The following RAB12 variants were observed in gnomAD, a reference collection of about 807,000 sequenced individuals.
The protein encoded by RAB12 is RAB12, member RAS oncogene family.
A neutral mutation model predicts 28.4 loss-of-function variants in RAB12; 11 were observed. The ratio of observed to expected loss-of-function variants is 0.39; its 90% CI spans 0.24 to 0.64. The LOEUF is 0.64. Ranked by LOEUF, RAB12 falls within the 30% of genes least tolerant of loss-of-function variation. The pLI is 0.50. For synonymous variants in RAB12, 138 were observed against 145.3 expected (o/e 0.95, Z 0.36); for missense variants, 276 against 351.1 (o/e 0.79, Z 1.71).
chr18:8,635,122 A>T (rs2096018146), intron 3 of RAB12: 1 of 154,150 alleles, frequency 6.5e-6, no homozygotes, highest in Non-Finnish European at 1.4e-5. Context: ...TTCCTGTGTC[A>T]TTCTCTGTTC....
chr18:8,632,576 C>T (rs991469794), intron 2 of RAB12, among the ~76,000 whole-genome samples: 2 of 152,148 alleles, frequency 1.3e-5, no homozygotes, highest in African/African-American at 4.8e-5. Context: ...CGCCTGCCCC[C>T]AGCACTCTAG....
intron 1 of RAB12, among the ~76,000 whole-genome samples, chr18:8,624,535 TAA>T (rs1169550708): frequency 1.3e-5 from 2 of 152,242 alleles, no homozygotes; most frequent in Non-Finnish European, 2.9e-5. Flanking sequence ...TAAAGTTGAT[TAA>T]GTTTGATTAA....
In RAB12 at chr18:8,638,696, G is replaced by T. The variant is rs553025455; in HGVS notation, c.*434G>T. On this transcript the variant is annotated 3_prime_UTR_variant, in exon 6 of 6. Coordinates refer to ENST00000649141, the MANE Select transcript of RAB12 (RefSeq NM_001025300.3). ...ACTTTTTGAAAAAAAGCTATCTTAAGTGCTTTTTCTTTATTTACAAGACAT... is the reference window on the plus strand; with the variant it reads ...ACTTTTTGAAAAAAAGCTATCTTAATTGCTTTTTCTTTATTTACAAGACAT... 6.5e-6 allele frequency: 1 copy of T among 154,628 alleles called. No homozygotes were observed. Among genetic ancestry groups the T allele is most frequent in the African/African-American group, 2.4e-5 (1 of 41,470 alleles). 9.6% of individuals were successfully genotyped at this position (154,628 alleles called of 1,614,324 possible).
intron 2 of RAB12, among the ~76,000 whole-genome samples, chr18:8,626,997 A>G (rs1401532453): frequency 6.6e-6 from 1 of 152,268 alleles, no homozygotes; most frequent in Non-Finnish European, 1.5e-5. Flanking sequence ...TGTTGATCAC[A>G]TAATACTCAA....
intron 1 of RAB12, among the ~76,000 whole-genome samples, chr18:8,622,317 C>T (rs1288758853): frequency 6.6e-6 from 1 of 152,148 alleles, no homozygotes; most frequent in Non-Finnish European, 1.5e-5. Context: ...TATTGGGGAA[C>T]CTGCCCCGTT....
intron 1 of RAB12, among the ~76,000 whole-genome samples, chr18:8,616,947 C>G (rs776857692): frequency 4.0e-4 from 61 of 151,892 alleles, no homozygotes; most frequent in Non-Finnish European, 7.7e-4. Context: ...AAAAACACTC[C>G]ACCTTCTCCT....
rs909165213 is a variant in RAB12, at chr18:8,616,595, G to T, written c.514+6642G>T. Among the ~76,000 whole-genome samples, 5 of 152,024 alleles carry T rather than the reference G, an allele frequency of 3.3e-5. No homozygotes were observed. The South Asian group carries it at 1.0e-3, about 32-fold the overall frequency. On this transcript the variant is annotated intron_variant, in intron 1 of 5. Transcript: ENST00000649141. ...ATAAATGAGGAGCTTTGTGTTTTTC[G>T]CTGGCTTCCTCTCACCTCTTCAAGC... is the stretch of plus-strand genomic sequence containing the variant.
At chr18:8,615,454 T>C (rs577984611) in intron 1 of RAB12, among the ~76,000 whole-genome samples, 11 of 152,306 alleles carry the variant, frequency 7.2e-5, no homozygotes, top group African/African-American at 2.4e-4. Context: ...TGCCCGTGTT[T>C]CACTTAAGAG....
chr18:8,627,318 C>T (rs978874619), intron 2 of RAB12, among the ~76,000 whole-genome samples: 3 of 152,194 alleles, frequency 2.0e-5, no homozygotes, highest in Non-Finnish European at 4.4e-5. Context: ...ATAGATAGCT[C>T]TGCTCCGATT....
At position 8,639,260 on chromosome 18, in the gene RAB12, G is replaced by T. The variant is rs1335290106; in HGVS notation, c.*998G>T. The T allele has an allele frequency of 2.8e-5, 4 of 140,716 alleles. No individual in the cohort carries two copies. Among genetic ancestry groups the T allele is most frequent in the African/African-American group, 1.1e-4 (4 of 38,064 alleles). 8.7% of individuals were successfully genotyped at this position (140,716 alleles called of 1,614,324 possible). A position where few individuals can be genotyped will look rare whatever the true frequency, so the allele number is the denominator to read the frequency against. ...TTATTAAACTGCACTGTTTTGTTTA[G>T]TCAAGGTAATTAAGTAATTATGTAT... is the stretch of plus-strand genomic sequence containing the variant. On this transcript the variant is annotated 3_prime_UTR_variant, in exon 6 of 6. Coordinates refer to ENST00000649141, the MANE Select transcript of RAB12 (RefSeq NM_001025300.3).
At position 8,609,672 on chromosome 18, in the gene RAB12, G is replaced by C; in HGVS notation, c.233G>C (p.Arg78Pro). The C allele has an allele frequency of 1.1e-6, 1 of 906,470 alleles. No homozygotes were observed. Among genetic ancestry groups the C allele is most frequent in the Non-Finnish European group, 1.3e-6 (1 of 760,862 alleles). 56.2% of individuals were successfully genotyped at this position (906,470 alleles called of 1,614,324 possible). Residue 78 changes from arginine (R) to proline (P), a missense_variant, in exon 1 of 6, where the codon CGC (arginine) becomes CCC (proline). Arg to Pro is a moderately radical substitution (Grantham distance 103). This residue lies in a region of RAB12 where 72 missense variants were observed against 55.5 expected (regional missense o/e 1.30). Coordinates refer to ENST00000649141, the MANE Select transcript of RAB12 (RefSeq NM_001025300.3). ...EAEGAPGPGA[R>P]SRGAGGGGRR... ...GAGGGGGCGCCGGGGCCCGGGGCGC[G>C]CAGCCGGGGGGCGGGCGGCGGCGGG...
intron 2 of RAB12, among the ~76,000 whole-genome samples, chr18:8,627,263 G>A (rs1289721957): frequency 6.6e-6 from 1 of 152,148 alleles, no homozygotes; most frequent in Non-Finnish European, 1.5e-5. Flanking sequence ...TGTGTAGCTG[G>A]AAACGGTCCC....
rs1268584198 is a variant in RAB12 at position 8,624,925 on chromosome 18, G to C, written c.515-13G>C. 2 of 1,510,154 alleles carry C rather than the reference G, an allele frequency of 1.3e-6. No homozygotes were observed. Among genetic ancestry groups the C allele is most frequent in the African/African-American group, 2.8e-5 (2 of 72,608 alleles). 93.5% of individuals were successfully genotyped at this position (1,510,154 alleles called of 1,614,324 possible). On this transcript the variant is annotated splice_polypyrimidine_tract_variant and intron_variant, in intron 1 of 5. Coordinates refer to ENST00000649141, the MANE Select transcript of RAB12 (RefSeq NM_001025300.3). ...TGTTGTTTTTGCTTCACATTTATTT[G>C]TTTTATTTACAGGTGTTGACTTCAA...
At chr18:8,618,861 C>T (rs541606808) in intron 1 of RAB12, among the ~76,000 whole-genome samples, 9 of 152,228 alleles carry the variant, frequency 5.9e-5, no homozygotes, top group East Asian at 1.9e-4. Context: ...AACTCTTCCC[C>T]GGTAGGTGGT....
chr18:8,618,849 T>C (rs1288866174), intron 1 of RAB12, among the ~76,000 whole-genome samples: 1 of 152,226 alleles, frequency 6.6e-6, no homozygotes, highest in African/African-American at 2.4e-5. Context: ...GAATTCATTT[T>C]GAACTCTTCC....
At position 8,638,609 on chromosome 18, in the gene RAB12, T is replaced by C. The variant is rs2096020324; in HGVS notation, c.*347T>C. 1 of 164,692 alleles carries C rather than the reference T, an allele frequency of 6.1e-6. No homozygotes were observed. The highest frequency in any genetic ancestry group is 1.7e-4 in the South Asian group (1 of 5,764). 10.2% of individuals were successfully genotyped at this position (164,692 alleles called of 1,614,324 possible). The stretch of plus-strand genomic sequence containing the variant: ...AATTATATTATGAGGACAGAAGATA[T>C]TCTGATAAGAGAGAACGTGGTGCTT... On this transcript the variant is annotated 3_prime_UTR_variant, in exon 6 of 6. Transcript: ENST00000649141.
intron 1 of RAB12, among the ~76,000 whole-genome samples, chr18:8,619,211 G>T (rs1360063969): frequency 6.6e-6 from 1 of 152,154 alleles, no homozygotes; most frequent in East Asian, 1.9e-4. Flanking sequence ...CAGATCTTTG[G>T]TGGAACGAGG....
chr18:8,626,497 T>C (rs557795185), intron 2 of RAB12, among the ~76,000 whole-genome samples: 1 of 152,368 alleles, frequency 6.6e-6, no homozygotes, highest in East Asian at 1.9e-4. Flanking sequence ...TTGGCGGCAG[T>C]ATTCTTTATA....
chr18:8,630,329 T>G (rs2096015203), intron 2 of RAB12, among the ~76,000 whole-genome samples: 1 of 152,226 alleles, frequency 6.6e-6, no homozygotes, highest in Non-Finnish European at 1.5e-5. Flanking sequence ...AAACATATTC[T>G]GATTAGCAGT....
Sources: gnomAD v4.1 joint callset for allele counts (sites outside exome capture counted in the v4.1 genomes callset) on GRCh38, gnomAD v4.1.1 for gene constraint, gnomAD v4.1.1 regional missense constraint, MANE v1.5 for transcripts, NCBI Gene and HGNC (gene_info 2026-07-23, HGNC 2026-07-21) for gene names.